Variants in CUL1 observed in about 807,000 individuals in gnomAD.
The protein encoded by CUL1 is cullin-1.
CUL1 carries 24 observed loss-of-function variants against 118.0 expected under a neutral mutation model. The ratio of observed to expected loss-of-function variants is 0.20; its 90% CI spans 0.15 to 0.29. The LOEUF (loss-of-function observed/expected upper bound fraction) is 0.29. Among genes scored for constraint, CUL1 ranks in the 10% least tolerant of loss-of-function variants. The pLI is 1.00. For synonymous variants in CUL1, 332 were observed against 340.4 expected, an observed-to-expected ratio of 0.98 and a Z score of 0.27; for missense variants, 361 against 933.8, an observed-to-expected ratio of 0.39 and a Z score of 7.99.
At chr7:148,735,081 A>C (rs1341330368) in intron 2 of CUL1, among the ~76,000 whole-genome samples, 2 of 152,130 alleles carry the variant, frequency 1.3e-5, no homozygotes, top group African/African-American at 4.8e-5. Context: ...TTTGAGAATG[A>C]GATTGGTTGA....
At chr7:148,718,209 C>G (rs895929513) in intron 1 of CUL1, among the ~76,000 whole-genome samples, 2 of 152,156 alleles carry the variant, frequency 1.3e-5, no homozygotes, top group African/African-American at 2.4e-5. Flanking sequence ...TTTGTTTTTT[C>G]TTAACAACTT....
rs1282545323 is a variant in CUL1 at position 148,724,839 on chromosome 7, TG to T, written c.-161-5122del. On this transcript the variant is annotated intron_variant, in intron 1 of 21. Coordinates refer to ENST00000325222, the MANE Select transcript of CUL1 (RefSeq NM_003592.3). ...ACTACCTGATTTCCTAAGTATATTT[TG>T]TTTTTTTGTTTGTTTTTTGTTTGTT... Among the ~76,000 whole-genome samples the T allele has an allele frequency of 2.6e-5, 4 of 152,182 alleles. No individual in the cohort carries two copies. The East Asian group carries it at 7.7e-4, about 29-fold the overall frequency.
chr7:148,750,294 CTT>C (rs370284482), intron 2 of CUL1, among the ~76,000 whole-genome samples: 12 of 142,898 alleles, frequency 8.4e-5, no homozygotes, highest in Admixed American at 1.4e-4. Context: ...CCACCTAGGA[CTT>C]TTTTTTTTTT....
intron 1 of CUL1, among the ~76,000 whole-genome samples, chr7:148,708,568 A>T (rs1438572502): frequency 1.3e-5 from 2 of 152,212 alleles, no homozygotes; most frequent in Non-Finnish European, 2.9e-5. Context: ...CAGGGCAGGT[A>T]TTGGGCTGCT....
At chr7:148,795,850 T>C (rs1258531696) in intron 17 of CUL1, among the ~76,000 whole-genome samples, 2 of 152,108 alleles carry the variant, frequency 1.3e-5, no homozygotes, top group Non-Finnish European at 2.9e-5. Context: ...GTTTATTAGC[T>C]CTAATTTATT....
chr7:148,732,190 G>A (rs1798784551), intron 2 of CUL1, among the ~76,000 whole-genome samples: 1 of 152,166 alleles, frequency 6.6e-6, no homozygotes, highest in Admixed American at 6.5e-5. Context: ...TAGTTCCACT[G>A]GTGAGGGAAG....
chr7:148,735,633 T>C (rs964753773), intron 2 of CUL1, among the ~76,000 whole-genome samples: 1 of 152,256 alleles, frequency 6.6e-6, no homozygotes, highest in East Asian at 1.9e-4. Context: ...ACACTTTTCA[T>C]CTTGCACTCT....
chr7:148,751,272 C>A (rs1799481825), intron 2 of CUL1, among the ~76,000 whole-genome samples: 1 of 152,078 alleles, frequency 6.6e-6, no homozygotes, highest in Admixed American at 6.5e-5. Flanking sequence ...AAGGGCCTGG[C>A]AAGGTGGCTC....
intron 1 of CUL1, among the ~76,000 whole-genome samples, chr7:148,707,218 G>A (rs1261639581): frequency 6.6e-6 from 1 of 152,096 alleles, no homozygotes; most frequent in East Asian, 1.9e-4. Context: ...GAATTGATGT[G>A]TTCATTTTTT....
intron 17 of CUL1, among the ~76,000 whole-genome samples, chr7:148,793,171 C>G (rs577816402): frequency 6.6e-6 from 1 of 152,088 alleles, no homozygotes; most frequent in Non-Finnish European, 1.5e-5. Flanking sequence ...AATAAAACTA[C>G]GTGTAACACA....
At chr7:148,720,939 G>T (rs1212912362) in intron 1 of CUL1, among the ~76,000 whole-genome samples, 1 of 152,210 alleles carries the variant, frequency 6.6e-6, no homozygotes. Context: ...TAAAGCTTCA[G>T]TTTTCTTGCC....
At chr7:148,778,012 G>A (rs543968950) in intron 9 of CUL1, among the ~76,000 whole-genome samples, 76 of 135,718 alleles carry the variant, frequency 5.6e-4, no homozygotes, top group East Asian at 2.3e-3. Context: ...GCAGTGAGCC[G>A]AGATCATGCC....
At chr7:148,701,080 A>G (rs1175392173) in intron 1 of CUL1, among the ~76,000 whole-genome samples, 1 of 151,854 alleles carries the variant, frequency 6.6e-6, no homozygotes, top group African/African-American at 2.4e-5. Flanking sequence ...AGCGCAGGAG[A>G]TATTCCTTAT....
At chr7:148,747,160 A>G (rs548114334) in intron 2 of CUL1, among the ~76,000 whole-genome samples, 15 of 152,220 alleles carry the variant, frequency 9.9e-5, no homozygotes, top group Non-Finnish European at 1.5e-4. Context: ...TCTTAAGCAT[A>G]TGGAAGCTCC....
chr7:148,700,609 G>C (rs540808478), intron 1 of CUL1, among the ~76,000 whole-genome samples: 19 of 152,216 alleles, frequency 1.2e-4, no homozygotes, highest in Middle Eastern at 3.4e-3. Flanking sequence ...AAATAGTTGC[G>C]TTACATTTCA....
At chr7:148,699,304 G>A (rs912467477) in intron 1 of CUL1, among the ~76,000 whole-genome samples, 2 of 151,906 alleles carry the variant, frequency 1.3e-5, no homozygotes, top group Admixed American at 6.6e-5. Flanking sequence ...CTACGCACTG[G>A]GAAAAAGCAC....
intron 2 of CUL1, among the ~76,000 whole-genome samples, chr7:148,748,570 G>T (rs1799377089): frequency 6.6e-6 from 1 of 152,166 alleles, no homozygotes; most frequent in Non-Finnish European, 1.5e-5. Flanking sequence ...CCATTTGGGA[G>T]ATTTCACTAA....
chr7:148,781,771 G>A (rs867606780), intron 9 of CUL1, among the ~76,000 whole-genome samples: 2 of 152,216 alleles, frequency 1.3e-5, no homozygotes, highest in Non-Finnish European at 2.9e-5. Context: ...CGTGCAGGCC[G>A]AGTGGTCAGG....
At chr7:148,736,801 A>G (rs1227297505) in intron 2 of CUL1, among the ~76,000 whole-genome samples, 2 of 152,264 alleles carry the variant, frequency 1.3e-5, no homozygotes, top group Non-Finnish European at 2.9e-5. Flanking sequence ...AAGACTGTTG[A>G]CATGGAATAA....
Sources: allele counts gnomAD v4.1 joint callset (sites outside exome capture counted in the v4.1 genomes callset), GRCh38; gene constraint gnomAD v4.1.1; transcripts MANE v1.5; gene names NCBI Gene and HGNC (gene_info 2026-07-23, HGNC 2026-07-21).